The following KCNQ1OT1 variants were observed in gnomAD, a reference collection of about 807,000 sequenced individuals.
KCNQ1OT1 encodes KCNQ1 antisense RNA 2 (non-protein coding).
exon 1 of KCNQ1OT1, chr11:2,686,145 G>A (rs1222433131): frequency 1.0e-5 from 4 of 398,772 alleles, no homozygotes; most frequent in Non-Finnish European, 1.8e-5. Context: ...CTTGCTTCTG[G>A]GGTTTGCTTC....
At chr11:2,644,967 G>A (rs1213511561) in exon 1 of KCNQ1OT1, 1 of 398,480 alleles carries the variant, frequency 2.5e-6, no homozygotes, top group Non-Finnish European at 4.4e-6. Flanking sequence ...CTTATCCTTG[G>A]GCCCAATGGT....
At chr11:2,699,790 C>G (rs449357) in exon 1 of KCNQ1OT1, 5 of 396,494 alleles carry the variant, frequency 1.3e-5, no homozygotes, top group Non-Finnish European at 2.2e-5. Context: ...AGAACCGCGC[C>G]GAGGGGCGCG....
Position 2,647,197 on chromosome 11 carries a change from T to G in KCNQ1OT1, n.52798A>C. 1 of 398,592 alleles carries G rather than the reference T, an allele frequency of 2.5e-6. No homozygotes were observed. The highest frequency in any genetic ancestry group is 4.4e-6 in the Non-Finnish European group (1 of 226,048). 24.7% of individuals were successfully genotyped at this position (398,592 alleles called of 1,614,324 possible). On this transcript the variant is annotated non_coding_transcript_exon_variant, in exon 1 of 1. Coordinates refer to ENST00000597346, the Ensembl canonical transcript of KCNQ1OT1. The surrounding 1 kb of genome is among the most constrained non-coding windows in gnomAD (Gnocchi z 4.0). ...TTTTATCATGAAGAGATTTTGAATT[T>G]TATCAGATGCTTTTTCTGCATCTAT... is the stretch of plus-strand genomic sequence containing the variant.
exon 1 of KCNQ1OT1, chr11:2,650,748 G>C (rs1289349915): frequency 2.5e-6 from 1 of 398,476 alleles, no homozygotes; most frequent in African/African-American, 2.1e-5. Context: ...GGCTCACTTT[G>C]CTACCCACAG....
In KCNQ1OT1 at chr11:2,623,610, A is replaced by G. The variant is rs1849211270; in HGVS notation, n.76385T>C. On this transcript the variant is annotated non_coding_transcript_exon_variant, in exon 1 of 1. Transcript: ENST00000597346. The surrounding 1 kb of genome is among the most constrained non-coding windows in gnomAD (Gnocchi z 5.2). ...TTTCATGGCTTGATAGCTCATTTCTATTTAGTGATGAATAATATTTCATTG... is the reference window on the plus strand; with the variant it reads ...TTTCATGGCTTGATAGCTCATTTCTGTTTAGTGATGAATAATATTTCATTG... 2.5e-6 allele frequency: 1 copy of G among 398,404 alleles called. No homozygotes were observed. The highest frequency in any genetic ancestry group is 1.3e-4 in the South Asian group (1 of 7,842). The allele number at this position is 398,404 out of a possible 1,614,324, so 24.7% of individuals were successfully genotyped here.
rs1441533193 is a variant in KCNQ1OT1, at chr11:2,657,424, CTTAG to C, written n.42567_42570del. 4.0e-5 allele frequency: 16 copies of C among 398,408 alleles called. No homozygotes were observed. Among genetic ancestry groups the C allele is most frequent in the East Asian group, 1.1e-4 (3 of 28,066 alleles). 24.7% of individuals were successfully genotyped at this position (398,408 alleles called of 1,614,324 possible). On this transcript the variant is annotated non_coding_transcript_exon_variant, in exon 1 of 1. Transcript: ENST00000597346. The surrounding 1 kb of genome is among the most constrained non-coding windows in gnomAD (Gnocchi z 4.8). ...ATTTTCTCCAGAGTTCTTGCATATA[CTTAG>C]TTAGATAATTAATATTCTTTTGTGC...
At position 2,617,808 on chromosome 11, in the gene KCNQ1OT1, A is replaced by G; in HGVS notation, n.82187T>C. 1 of 398,498 alleles carries G rather than the reference A, an allele frequency of 2.5e-6. No individual in the cohort carries two copies. The highest frequency in any genetic ancestry group is 4.4e-6 in the Non-Finnish European group (1 of 225,988). 24.7% of individuals were successfully genotyped at this position (398,498 alleles called of 1,614,324 possible). On this transcript the variant is annotated non_coding_transcript_exon_variant, in exon 1 of 1. Coordinates refer to ENST00000597346, the Ensembl canonical transcript of KCNQ1OT1. The surrounding 1 kb of genome is among the most constrained non-coding windows in gnomAD (Gnocchi z 4.6). ...AGTGATGTTAAATGTCTTTTCATAT[A>G]TGTGTTTGCCATTTTTATAACTTCT... is the stretch of plus-strand genomic sequence containing the variant.
rs1269755894 is a variant in KCNQ1OT1, at chr11:2,674,051, C to G, written n.25944G>C. 23 of 398,462 alleles carry G rather than the reference C, an allele frequency of 5.8e-5. No homozygotes were observed. The East Asian group carries it at 7.5e-4, about 13-fold the overall frequency. 24.7% of individuals were successfully genotyped at this position (398,462 alleles called of 1,614,324 possible). On this transcript the variant is annotated non_coding_transcript_exon_variant, in exon 1 of 1. Transcript: ENST00000597346. This position sits in a 1 kb window ranked among gnomAD's most constrained non-coding sequence, Gnocchi z 5.9. ...CCTGGGGTGCAGCCCCTCATTTGTACTTGCTGGCTGCCCCATGGGGGCTTG... is the reference window on the plus strand; with the variant it reads ...CCTGGGGTGCAGCCCCTCATTTGTAGTTGCTGGCTGCCCCATGGGGGCTTG...
rs1850126108 is a variant in KCNQ1OT1, at chr11:2,668,637, T to A, written n.31358A>T. 2.5e-6 allele frequency: 1 copy of A among 398,534 alleles called. No homozygotes were observed. The highest frequency in any genetic ancestry group is 4.4e-6 in the Non-Finnish European group (1 of 226,080). 24.7% of individuals were successfully genotyped at this position (398,534 alleles called of 1,614,324 possible). ...CTTCTGCCTGTTTTATGTTTATTTA[T>A]GGTCCTATATATCTTTAGATATTCT... is the stretch of plus-strand genomic sequence containing the variant. On this transcript the variant is annotated non_coding_transcript_exon_variant, in exon 1 of 1. Coordinates refer to ENST00000597346, the Ensembl canonical transcript of KCNQ1OT1. This position sits in a 1 kb window ranked among gnomAD's most constrained non-coding sequence, Gnocchi z 4.3.
exon 1 of KCNQ1OT1, chr11:2,640,162 G>C: frequency 2.7e-6 from 1 of 373,360 alleles, no homozygotes; most frequent in Admixed American, 4.6e-5. Flanking sequence ...TCCCAGGTGA[G>C]GCGATGCCTC....
rs1850589369 is a variant in KCNQ1OT1, at chr11:2,691,626, G to A, written n.8369C>T. 7.5e-6 allele frequency: 3 copies of A among 398,556 alleles called. No individual in the cohort carries two copies. Among genetic ancestry groups the A allele is most frequent in the Non-Finnish European group, 1.3e-5 (3 of 226,056 alleles). The allele number at this position is 398,556 out of a possible 1,614,324, so 24.7% of individuals were successfully genotyped here. A position where few individuals can be genotyped will look rare whatever the true frequency, so the allele number is the denominator to read the frequency against. On this transcript the variant is annotated non_coding_transcript_exon_variant, in exon 1 of 1. Coordinates refer to ENST00000597346, the Ensembl canonical transcript of KCNQ1OT1. The surrounding 1 kb of genome is among the most constrained non-coding windows in gnomAD (Gnocchi z 6.4). The stretch of plus-strand genomic sequence containing the variant: ...CTAGCTTGTTCCCTGCACGTACTGT[G>A]GGGAGGTCCTCTTTACCGCCACAGT...
exon 1 of KCNQ1OT1, chr11:2,614,688 G>A (rs1849033127): frequency 1.3e-5 from 5 of 398,330 alleles, no homozygotes; most frequent in Non-Finnish European, 2.2e-5. Context: ...GATCATATAT[G>A]TGAGTGTTTA....
chr11:2,641,558 T>C, exon 1 of KCNQ1OT1: 5 of 398,556 alleles, frequency 1.3e-5, no homozygotes, highest in Non-Finnish European at 2.2e-5. Context: ...ATGAGTAGTT[T>C]GCAAATATTT....
chr11:2,639,723 C>G (rs1046165599), exon 1 of KCNQ1OT1: 3 of 152,378 alleles, frequency 2.0e-5, no homozygotes, highest in Admixed American at 2.0e-4. Flanking sequence ...GGGAGAACCA[C>G]TACTCTTTTC....
exon 1 of KCNQ1OT1, chr11:2,644,513 C>T (rs566023790): frequency 1.1e-4 from 45 of 398,296 alleles, no homozygotes; most frequent in Non-Finnish European, 1.7e-4. Flanking sequence ...TCTATCAGAT[C>T]TTCTTTAATA....
Position 2,682,221 on chromosome 11 carries a change from G to T in KCNQ1OT1, n.17774C>A, listed in dbSNP as rs1590029131. On this transcript the variant is annotated non_coding_transcript_exon_variant, in exon 1 of 1. Transcript: ENST00000597346. The surrounding 1 kb of genome is among the most constrained non-coding windows in gnomAD (Gnocchi z 5.8). Reference sequence around the variant, plus strand: ...CAGGCCAGGACTGTCTTATCCTGTGGTTCTTAGCTGAAATGTCCCTTCCTC... The same window carrying T: ...CAGGCCAGGACTGTCTTATCCTGTGTTTCTTAGCTGAAATGTCCCTTCCTC... 5.0e-6 allele frequency: 2 copies of T among 398,380 alleles called. No homozygotes were observed. The highest frequency in any genetic ancestry group is 6.3e-4 in the Middle Eastern group (1 of 1,588). 24.7% of individuals were successfully genotyped at this position (398,380 alleles called of 1,614,324 possible). A position where few individuals can be genotyped will look rare whatever the true frequency, so the allele number is the denominator to read the frequency against.
exon 1 of KCNQ1OT1, chr11:2,628,268 C>T (rs1223931421): frequency 2.5e-6 from 1 of 398,542 alleles, no homozygotes; most frequent in Non-Finnish European, 4.4e-6. Flanking sequence ...GTATAAGGGA[C>T]ACCTTTTCTC....
chr11:2,665,933 T>C, exon 1 of KCNQ1OT1: 1 of 398,406 alleles, frequency 2.5e-6, no homozygotes. Flanking sequence ...GAGGCTGAAA[T>C]CATTTTTGTG....
At position 2,640,063 on chromosome 11, in the gene KCNQ1OT1, G is replaced by A. The variant is rs147975282; in HGVS notation, n.59932C>T. The A allele has an allele frequency of 9.0e-3, 1,831 of 203,848 alleles. 27 individuals are homozygous for A. Among genetic ancestry groups the A allele is most frequent in the African/African-American group, 0.039 (1,708 of 43,558 alleles). 12.6% of individuals were successfully genotyped at this position (203,848 alleles called of 1,614,324 possible). A position where few individuals can be genotyped will look rare whatever the true frequency, so the allele number is the denominator to read the frequency against. The stretch of plus-strand genomic sequence containing the variant: ...TTGCTAAGACCATTGGAAAAGCACA[G>A]TATTAGGGTGGGAGTGATCCAGTTT... On this transcript the variant is annotated non_coding_transcript_exon_variant, in exon 1 of 1. Transcript: ENST00000597346.
Sources: gnomAD v4.1 joint callset for allele counts on GRCh38, gnomAD v4.1.1 for gene constraint, Gnocchi (gnomAD v3.1) non-coding constraint, MANE v1.5 for transcripts, NCBI Gene and HGNC (gene_info 2026-07-23, HGNC 2026-07-21) for gene names.